Variants in RFX3 observed in about 807,000 individuals in gnomAD.
The protein encoded by RFX3 is regulatory factor X3.
Under a neutral mutation model 98.6 loss-of-function variants are expected in RFX3, and 14 were observed. The ratio of observed to expected loss-of-function variants is 0.14; its 90% CI spans 0.09 to 0.22. The LOEUF is 0.22. Among genes scored for constraint, RFX3 ranks in the 10% least tolerant of loss-of-function variants. RFX3 has a pLI of 1.00. For missense variants in RFX3, 639 were observed against 926.9 expected, an observed-to-expected ratio of 0.69 and a Z score of 4.03; for synonymous variants, 383 against 328.4, an observed-to-expected ratio of 1.17 and a Z score of -1.80.
chr9:3,283,827 C>G (rs1012416635), intron 7 of RFX3, among the ~76,000 whole-genome samples: 1 of 150,504 alleles, frequency 6.6e-6, no homozygotes, highest in East Asian at 1.9e-4. Flanking sequence ...TGTGATTTCT[C>G]CCTTTATTTC....
At chr9:3,397,643 TTGACTC>T (rs1476294030) in intron 1 of RFX3, among the ~76,000 whole-genome samples, 2 of 152,282 alleles carry the variant, frequency 1.3e-5, no homozygotes, top group East Asian at 1.9e-4. Context: ...CTTTTTCACT[TTGACTC>T]TGTGCTTAAT....
intron 13 of RFX3, 121 bp from the exon 14 acceptor site, chr9:3,257,320 A>T: frequency 1.3e-6 from 1 of 754,478 alleles, no homozygotes; most frequent in South Asian, 1.9e-5. Context: ...CAGTTAAATG[A>T]ATCCAGAAAA....
intron 2 of RFX3, among the ~76,000 whole-genome samples, chr9:3,377,832 A>C (rs765460055): frequency 6.6e-6 from 1 of 152,176 alleles, no homozygotes; most frequent in Non-Finnish European, 1.5e-5. Flanking sequence ...CAAACAGTAC[A>C]CTTAAATAGG....
chr9:3,295,765 C>T (rs1405197210), intron 5 of RFX3, among the ~76,000 whole-genome samples: 15 of 151,792 alleles, frequency 9.9e-5, no homozygotes, highest in African/African-American at 3.6e-4. Flanking sequence ...TGCTAATGAA[C>T]AGAAGACATA....
chr9:3,353,279 A>G (rs966458108), intron 2 of RFX3, among the ~76,000 whole-genome samples: 8 of 151,920 alleles, frequency 5.3e-5, no homozygotes, highest in African/African-American at 1.5e-4. Context: ...GCACACCAGC[A>G]TGGCACATGT....
chr9:3,368,665 T>C (rs1290616494), intron 2 of RFX3, among the ~76,000 whole-genome samples: 1 of 152,210 alleles, frequency 6.6e-6, no homozygotes, highest in Non-Finnish European at 1.5e-5. Context: ...AAAGTGTCCC[T>C]GCACATTGCT....
intron 1 of RFX3, among the ~76,000 whole-genome samples, chr9:3,525,188 G>A (rs1819136933): frequency 6.6e-6 from 1 of 152,098 alleles, no homozygotes; most frequent in Non-Finnish European, 1.5e-5. Context: ...ACCAACGTAT[G>A]AGGATTAAAA....
intron 16 of RFX3, among the ~76,000 whole-genome samples, chr9:3,228,221 T>C (rs543634365): frequency 6.6e-6 from 1 of 152,358 alleles, no homozygotes; most frequent in South Asian, 2.1e-4. Context: ...TCTATCCGCA[T>C]TCTATCTCCC....
In RFX3 at chr9:3,366,703, TTTCTTTC is replaced by T. The variant is rs796345714; in HGVS notation, c.118-19946_118-19940del. Among the ~76,000 whole-genome samples the T allele has an allele frequency of 3.8e-4, 45 of 118,280 alleles. No individual in the cohort carries two copies. In the South Asian group the frequency reaches 4.8e-3, roughly 13 times the overall value. The allele number at this position is 118,280 out of a possible 152,430, so 77.6% of individuals were successfully genotyped here. ...CTTTCTTCTTTCTTTCCTTTCTTTC[TTTCTTTC>T]TTTCTTTCTTTCTTTCTTTCTTTCT... On this transcript the variant is annotated intron_variant, in intron 2 of 16. Transcript: ENST00000617270.
At chr9:3,323,784 G>A (rs1472904893) in intron 4 of RFX3, among the ~76,000 whole-genome samples, 2 of 152,202 alleles carry the variant, frequency 1.3e-5, no homozygotes, top group African/African-American at 4.8e-5. Flanking sequence ...AGAGAATGAA[G>A]GATGCTGTGA....
chr9:3,513,729 T>G (rs12004862), intron 1 of RFX3, among the ~76,000 whole-genome samples: 2 of 152,080 alleles, frequency 1.3e-5, no homozygotes, highest in South Asian at 4.1e-4. Context: ...CTCCAGTCCA[T>G]AGTCATTTGC....
At chr9:3,395,639 C>A (rs189934542) in intron 1 of RFX3, 43 bp from the exon 2 acceptor site, 256 of 1,599,974 alleles carry the variant, frequency 1.6e-4, no homozygotes, top group Non-Finnish European at 2.1e-4. Context: ...AATGTCACTC[C>A]TGCATGACTA....
intron 1 of RFX3, among the ~76,000 whole-genome samples, chr9:3,504,202 TTA>T (rs1158231949): frequency 2.7e-4 from 30 of 109,342 alleles, no homozygotes; most frequent in East Asian, 2.5e-3. Context: ...ATTATATATA[TTA>T]TATATATTAT....
chr9:3,382,971 A>G (rs1355976182), intron 2 of RFX3, among the ~76,000 whole-genome samples: 1 of 152,154 alleles, frequency 6.6e-6, no homozygotes, highest in African/African-American at 2.4e-5. Context: ...GCTATTGACT[A>G]TAATTTATTA....
intron 1 of RFX3, among the ~76,000 whole-genome samples, chr9:3,468,446 T>A (rs1228694129): frequency 6.6e-6 from 1 of 152,194 alleles, no homozygotes; most frequent in Non-Finnish European, 1.5e-5. Flanking sequence ...TTAAGAATTA[T>A]GTATCTGGCC....
chr9:3,262,229 A>C (rs1413082706), intron 13 of RFX3, among the ~76,000 whole-genome samples: 1 of 152,156 alleles, frequency 6.6e-6, no homozygotes, highest in Non-Finnish European at 1.5e-5. Context: ...TAACATTTAG[A>C]TTCATTACTT....
chr9:3,431,687 T>C (rs1383977387), intron 1 of RFX3, among the ~76,000 whole-genome samples: 6 of 152,146 alleles, frequency 3.9e-5, no homozygotes, highest in Non-Finnish European at 8.8e-5. Context: ...GATCTAAAGC[T>C]GGAGAATTTA....
intron 14 of RFX3, among the ~76,000 whole-genome samples, chr9:3,253,165 A>T (rs1463503002): frequency 6.6e-6 from 1 of 152,208 alleles, no homozygotes; most frequent in Non-Finnish European, 1.5e-5. Flanking sequence ...TTTATAACTC[A>T]TGGCGTGGAA....
chr9:3,324,345 G>A (rs1831647126), intron 4 of RFX3, among the ~76,000 whole-genome samples: 1 of 151,966 alleles, frequency 6.6e-6, no homozygotes, highest in Non-Finnish European at 1.5e-5. Context: ...TAATTAAACA[G>A]AAGCGTTCAT....
Sources: allele counts gnomAD v4.1 joint callset (sites outside exome capture counted in the v4.1 genomes callset), GRCh38; gene constraint gnomAD v4.1.1; transcripts MANE v1.5; gene names NCBI Gene and HGNC (gene_info 2026-07-23, HGNC 2026-07-21).